Variants in ABCA1 observed in about 807,000 individuals in gnomAD.
The protein encoded by ABCA1 is ATP binding cassette subfamily A member 1.
ABCA1 carries 133 observed loss-of-function variants against 262.5 expected under a neutral mutation model. That is an observed-to-expected ratio of 0.51 (90% CI 0.44 to 0.59). The LOEUF is 0.59. ABCA1 is among the 20% of genes least tolerant of loss of function. The pLI is 0.00. For missense variants in ABCA1, 2,452 were observed against 2,777.5 expected, an observed-to-expected ratio of 0.88 and a Z score of 2.63; for synonymous variants, 1,022 against 1,043.5, an observed-to-expected ratio of 0.98 and a Z score of 0.40.
chr9:104,839,646 TG>T (rs1400968325), intron 9 of ABCA1, among the ~76,000 whole-genome samples: 3 of 141,384 alleles, frequency 2.1e-5, no homozygotes, highest in Non-Finnish European at 4.5e-5. Context: ...CTAGCTTTTT[TG>T]AGTTACAACT....
chr9:104,869,822 A>G (rs2119134891), intron 5 of ABCA1, among the ~76,000 whole-genome samples: 1 of 152,302 alleles, frequency 6.6e-6, no homozygotes, highest in South Asian at 2.1e-4. Context: ...ACTCAGTTCC[A>G]GAATTTTCCA....
rs1828932945 is a variant in ABCA1 at position 104,786,388 on chromosome 9, A to G, written c.6311T>C (p.Met2104Thr). The G allele has an allele frequency of 6.2e-7, 1 of 1,613,948 alleles. No homozygotes were observed. The highest frequency in any genetic ancestry group is 8.5e-7 in the Non-Finnish European group (1 of 1,179,846). ...GRSVVLTSHS[M>T]EECEALCTRM... ...AGTGCAAAGAGCTTCACATTCTTCC[A>G]TACTGCGGTAAAACAGAAAGAGGTT... is the stretch of plus-strand genomic sequence containing the variant. The change falls in exon 48 of 50, where the codon ATG becomes ACG. Residue 2104 changes from methionine to threonine, a missense_variant and splice_region_variant. Met to Thr is a moderately conservative substitution (Grantham distance 81). Around this residue, in one of 4 missense-constraint regions of ABCA1, gnomAD observed 752 missense variants for 944.5 expected, o/e 0.80. Coordinates refer to ENST00000374736, the MANE Select transcript of ABCA1 (RefSeq NM_005502.4).
intron 7 of ABCA1, 81 bp downstream of exon 7, chr9:104,858,441 A>G (rs900090654): frequency 2.2e-5 from 32 of 1,448,486 alleles, no homozygotes; most frequent in Non-Finnish European, 3.0e-5. Context: ...TCTACAAAAC[A>G]AAGTCATGCT....
chr9:104,785,208 T>C (rs1305104034), intron 49 of ABCA1, among the ~76,000 whole-genome samples, 188 bp downstream of exon 49: 1 of 152,192 alleles, frequency 6.6e-6, no homozygotes, highest in East Asian at 1.9e-4. Flanking sequence ...AATAATCCTA[T>C]AGAGTACATA....
Position 104,783,996 on chromosome 9 carries a change from A to C in ABCA1, c.*319T>G, listed in dbSNP as rs77096626. 2.9e-4 allele frequency: 61 copies of C among 209,124 alleles called. No individual in the cohort carries two copies. The highest frequency in any genetic ancestry group is 5.6e-4 in the Admixed American group (10 of 17,794). The allele number at this position is 209,124 out of a possible 1,614,324, so 13.0% of individuals were successfully genotyped here. ...CCCCAATGAGAATACACAGGAACAA[A>C]AAAAAAAAAAAAAGTGTGAGTTCAA... On this transcript the variant is annotated 3_prime_UTR_variant, in exon 50 of 50. Transcript: ENST00000374736.
In ABCA1 at chr9:104,848,572, G is replaced by A. The variant is rs1035974444; in HGVS notation, c.721-3003C>T. Among the ~76,000 whole-genome samples the A allele has an allele frequency of 5.3e-5, 8 of 150,828 alleles. No individual in the cohort carries two copies. The South Asian group carries it at 6.3e-4, about 12-fold the overall frequency. ...AGAGGTTGCAGTGAGCCAAGATGGCGCCAATACACTCCAGCCTGGGCATCA... is the reference window on the plus strand; with the variant it reads ...AGAGGTTGCAGTGAGCCAAGATGGCACCAATACACTCCAGCCTGGGCATCA... On this transcript the variant is annotated intron_variant, in intron 7 of 49. Coordinates refer to ENST00000374736, the MANE Select transcript of ABCA1 (RefSeq NM_005502.4).
intron 30 of ABCA1, among the ~76,000 whole-genome samples, chr9:104,808,096 C>T (rs1351367355): frequency 1.3e-5 from 2 of 152,014 alleles, no homozygotes; most frequent in Non-Finnish European, 2.9e-5. Flanking sequence ...GAGACATGCT[C>T]CTGTCAAATT....
At chr9:104,831,265 G>A (rs1049971889) in intron 13 of ABCA1, among the ~76,000 whole-genome samples, 164 bp from the exon 14 acceptor site, 14 of 149,782 alleles carry the variant, frequency 9.3e-5, no homozygotes, top group Admixed American at 1.3e-4. Context: ...TTGCCCAGGC[G>A]GGAGTGCAAT....
intron 7 of ABCA1, among the ~76,000 whole-genome samples, chr9:104,851,680 C>T (rs190023429): frequency 5.9e-5 from 9 of 152,320 alleles, no homozygotes; most frequent in East Asian, 3.9e-4. Flanking sequence ...CTGCTCTATA[C>T]GGCAGCTGCT....
intron 5 of ABCA1, among the ~76,000 whole-genome samples, chr9:104,872,586 T>C (rs1205826732): frequency 6.6e-6 from 1 of 152,252 alleles, no homozygotes; most frequent in Non-Finnish European, 1.5e-5. Context: ...CTAGTGCTGT[T>C]TGAAGCCTTC....
Position 104,831,016 on chromosome 9 carries a change from C to T in ABCA1, c.1801G>A (p.Glu601Lys). Residue 601 changes from glutamate to lysine, a missense_variant, in exon 14 of 50, where the codon GAG becomes AAG. Transcript: ENST00000374736. ...GTCAGCACCCTGATGATTGCCTGCT[C>T]CACCACATCCTGCAAGTAGGCGAAG... ...GGFAYLQDVV[E>K]QAIIRVLTGT... The T allele has an allele frequency of 6.2e-7, 1 of 1,613,978 alleles. No homozygotes were observed.
At chr9:104,895,545 G>A (rs1840128254) in intron 2 of ABCA1, among the ~76,000 whole-genome samples, 1 of 152,196 alleles carries the variant, frequency 6.6e-6, no homozygotes, top group Admixed American at 6.5e-5. Flanking sequence ...GGCCCCGGTC[G>A]AGAACCACTG....
intron 5 of ABCA1, among the ~76,000 whole-genome samples, chr9:104,862,636 G>GCCCCCCACCCCC (rs1836532053): frequency 2.3e-3 from 3 of 1,306 alleles, no homozygotes; most frequent in Non-Finnish European, 6.4e-3. Flanking sequence ...CAGACTGCCG[G>GCCCCCCACCCCC]GCCGGGCCGG....
At chr9:104,839,634 T>C (rs1834187819) in intron 9 of ABCA1, among the ~76,000 whole-genome samples, 1 of 149,566 alleles carries the variant, frequency 6.7e-6, no homozygotes, top group Non-Finnish European at 1.5e-5. Flanking sequence ...AAAAATGCTT[T>C]TCTAGCTTTT....
Position 104,829,101 on chromosome 9 carries a change from T to C in ABCA1, c.1930A>G (p.Met644Val), listed in dbSNP as rs747060874. The part of the protein sequence containing the change: ...RVMSRSMPLF[M>V]TLAWIYSVAV... ...ACTGAGTAAATCCAGGCCAGCGTCA[T>C]GAAGAGGGGCATTGACCGGCTCATC... Residue 644 changes from methionine (M) to valine (V), a missense_variant, in exon 15 of 50, where the codon ATG becomes GTG. By Grantham distance (21) the Met-to-Val change is conservative. Coordinates refer to ENST00000374736, the MANE Select transcript of ABCA1 (RefSeq NM_005502.4). 3 of 1,614,126 alleles carry C rather than the reference T, an allele frequency of 1.9e-6. No homozygotes were observed. The highest frequency in any genetic ancestry group is 2.5e-6 in the Non-Finnish European group (3 of 1,180,040).
At chr9:104,898,581 T>C (rs1035529005) in intron 2 of ABCA1, among the ~76,000 whole-genome samples, 7 of 149,712 alleles carry the variant, frequency 4.7e-5, no homozygotes, top group Non-Finnish European at 1.0e-4. Flanking sequence ...AATAAATAAA[T>C]AAATAAATAA....
chr9:104,910,470 A>G (rs924710015), intron 1 of ABCA1, among the ~76,000 whole-genome samples: 2 of 152,222 alleles, frequency 1.3e-5, no homozygotes, highest in African/African-American at 4.8e-5. Flanking sequence ...TGCATTTCTC[A>G]GAGTTCTATC....
chr9:104,900,350 C>T (rs1365570730), intron 2 of ABCA1, among the ~76,000 whole-genome samples: 1 of 152,208 alleles, frequency 6.6e-6, no homozygotes, highest in Non-Finnish European at 1.5e-5. Flanking sequence ...AAGGGCCAGG[C>T]TCTGTGCTGG....
At chr9:104,820,932 G>A (rs1205941965) in intron 20 of ABCA1, among the ~76,000 whole-genome samples, 1 of 152,158 alleles carries the variant, frequency 6.6e-6, no homozygotes, top group Non-Finnish European at 1.5e-5. Flanking sequence ...TCACGGAGGT[G>A]AGCCTGCCAT....
Sources: allele counts gnomAD v4.1 joint callset (sites outside exome capture counted in the v4.1 genomes callset), GRCh38; gene constraint gnomAD v4.1.1; regional missense constraint gnomAD v4.1.1; transcripts MANE v1.5; gene names NCBI Gene and HGNC (gene_info 2026-07-23, HGNC 2026-07-21).